Variants in ITGAE observed in about 807,000 individuals in gnomAD.
ITGAE encodes the protein integrin subunit alpha E.
A neutral mutation model predicts 136.5 loss-of-function variants in ITGAE; 99 were observed. The observed-to-expected ratio is 0.73, with a 90% confidence interval of 0.62 to 0.86. The LOEUF (loss-of-function observed/expected upper bound fraction) is 0.86, where lower values mean the gene tolerates loss of function less well. Ranked by LOEUF, ITGAE falls within the 40% of genes least tolerant of loss-of-function variation. ITGAE has a pLI of 0.00. For missense variants in ITGAE, 1,447 were observed against 1,515.3 expected (o/e 0.95, Z 0.75); for synonymous variants, 613 against 591.8 (o/e 1.04, Z -0.52).
intron 23 of ITGAE, 62 bp from the exon 24 acceptor site, chr17:3,729,617 A>G: frequency 1.1e-5 from 12 of 1,086,670 alleles, no homozygotes; most frequent in Non-Finnish European, 1.7e-5. Context: ...GCTTCTTAAA[A>G]AGGGCTTCGC....
chr17:3,763,642 T>C (rs1011190647), intron 3 of ITGAE, among the ~76,000 whole-genome samples: 4 of 152,086 alleles, frequency 2.6e-5, no homozygotes, highest in African/African-American at 9.7e-5. Context: ...GCTGTAGGTA[T>C]CATTTCTGTT....
chr17:3,734,702 G>T, intron 21 of ITGAE, 115 bp downstream of exon 21: 3 of 1,269,748 alleles, frequency 2.4e-6, no homozygotes, highest in Non-Finnish European at 3.3e-6. Context: ...TCTGTTGGTT[G>T]GACCAGGAGG....
intron 30 of ITGAE, among the ~76,000 whole-genome samples, chr17:3,715,740 C>CTG (rs2050929714): frequency 6.6e-6 from 1 of 151,976 alleles, no homozygotes; most frequent in Non-Finnish European, 1.5e-5. Context: ...ACCTGAGTAA[C>CTG]AGTCCCAGTT....
rs2051405212 is a variant in ITGAE, at chr17:3,734,061, C to CA, written c.2655+755dup. ...TTACCGACGTAACTACTTCAAACAGCAAAGTTTTCTTTCTTGTTTTTTCTT... is the reference window on the plus strand; with the variant it reads ...TTACCGACGTAACTACTTCAAACAGCAAAAGTTTTCTTTCTTGTTTTTTCTT... On this transcript the variant is annotated intron_variant, in intron 21 of 30. Coordinates refer to ENST00000263087, the MANE Select transcript of ITGAE (RefSeq NM_002208.5). Among the ~76,000 whole-genome samples, 4 of 152,102 alleles carry CA rather than the reference C, an allele frequency of 2.6e-5. No individual in the cohort carries two copies. The South Asian group carries it at 8.3e-4, about 32-fold the overall frequency.
At position 3,768,021 on chromosome 17, in the gene ITGAE, G is replaced by T. The variant is rs189693646; in HGVS notation, c.156-4061C>A. On this transcript the variant is annotated intron_variant, in intron 2 of 30. Coordinates refer to ENST00000263087, the MANE Select transcript of ITGAE (RefSeq NM_002208.5). ...GAGCTTCTAGAAGGGACCCAGCCCTGCTGACACCTTTTCAGACTTCTGGCC... is the reference window on the plus strand; with the variant it reads ...GAGCTTCTAGAAGGGACCCAGCCCTTCTGACACCTTTTCAGACTTCTGGCC... 1.9e-3 allele frequency among the ~76,000 whole-genome samples: 292 copies of T among 152,288 alleles called. 3 individuals are homozygous for T. Among genetic ancestry groups the T allele is most frequent in the African/African-American group, 6.6e-3 (275 of 41,570 alleles).
chr17:3,764,604 G>C (rs1453301425), intron 2 of ITGAE, among the ~76,000 whole-genome samples: 1 of 152,206 alleles, frequency 6.6e-6, no homozygotes, highest in African/African-American at 2.4e-5. Context: ...GGCTGAGGCA[G>C]GAGAATTGCT....
chr17:3,788,983 C>T (rs962500968), intron 1 of ITGAE, among the ~76,000 whole-genome samples: 12 of 151,902 alleles, frequency 7.9e-5, no homozygotes, highest in Non-Finnish European at 1.6e-4. Flanking sequence ...AGGTGACTCA[C>T]GCCTGTAATC....
intron 1 of ITGAE, among the ~76,000 whole-genome samples, chr17:3,797,387 G>C (rs557910498): frequency 4.0e-4 from 60 of 150,716 alleles, no homozygotes; most frequent in African/African-American, 7.8e-4. Context: ...GGATGGTCTC[G>C]ATCTCCTGAC....
Position 3,755,105 on chromosome 17 carries a change from C to CCCCGCCCTCATCAGGTGGT in ITGAE, c.1384+11_1384+12insACCACCTGATGAGGGCGGG. ...AGGTGGCCCCGCCCTCATCAGGTGG[C>CCCCGCCCTCATCAGGTGGT]CCCGCCCTCACCCAGGTAGCTGTAC... On this transcript the variant is annotated intron_variant, in intron 12 of 30. Transcript: ENST00000263087. 3 of 1,580,744 alleles carry CCCCGCCCTCATCAGGTGGT rather than the reference C, an allele frequency of 1.9e-6. No homozygotes were observed. Among genetic ancestry groups the CCCCGCCCTCATCAGGTGGT allele is most frequent in the South Asian group, 1.1e-5 (1 of 87,564 alleles).
intron 1 of ITGAE, among the ~76,000 whole-genome samples, chr17:3,790,052 C>G (rs2052901086): frequency 6.6e-6 from 1 of 152,112 alleles, no homozygotes; most frequent in Non-Finnish European, 1.5e-5. Context: ...CTTAGCATCC[C>G]TAGGAGTGGG....
At chr17:3,729,282 G>C in intron 24 of ITGAE, 196 bp downstream of exon 24, 1 of 559,018 alleles carries the variant, frequency 1.8e-6, no homozygotes, top group South Asian at 2.1e-5. Flanking sequence ...CTCCTTTGAT[G>C]ACCACAGTGG....
rs2052004684 is a variant in ITGAE, at chr17:3,755,760, C to T, written c.1239+70G>A. On this transcript the variant is annotated intron_variant, in intron 11 of 30. Coordinates refer to ENST00000263087, the MANE Select transcript of ITGAE (RefSeq NM_002208.5). Reference sequence around the variant, plus strand: ...AGAGCCCTGGATGGGAGGCAGGAGTCCCTGAATCCTAGGTGTCCTGGGCCC... The same window carrying T: ...AGAGCCCTGGATGGGAGGCAGGAGTTCCTGAATCCTAGGTGTCCTGGGCCC... 2.2e-6 allele frequency: 3 copies of T among 1,355,694 alleles called. No homozygotes were observed. In the South Asian group the frequency reaches 3.8e-5, roughly 17 times the overall value. 84.0% of individuals were successfully genotyped at this position (1,355,694 alleles called of 1,614,324 possible). A position where few individuals can be genotyped will look rare whatever the true frequency, so the allele number is the denominator to read the frequency against.
At chr17:3,755,469 G>T (rs1365038040) in intron 11 of ITGAE, among the ~76,000 whole-genome samples, 1 of 152,238 alleles carries the variant, frequency 6.6e-6, no homozygotes, top group African/African-American at 2.4e-5. Context: ...TCCCTCCTCC[G>T]GGAGAAGCAA....
At chr17:3,774,999 G>C (rs1374984001) in intron 2 of ITGAE, among the ~76,000 whole-genome samples, 2 of 152,032 alleles carry the variant, frequency 1.3e-5, no homozygotes, top group East Asian at 3.9e-4. Flanking sequence ...GAAGTGCAGT[G>C]GCACAATCGC....
chr17:3,766,105 T>G (rs1412569567), intron 2 of ITGAE, among the ~76,000 whole-genome samples: 1 of 151,950 alleles, frequency 6.6e-6, no homozygotes, highest in Non-Finnish European at 1.5e-5. Context: ...GGTCCTTCTA[T>G]GAGGGAGGCC....
In ITGAE at chr17:3,725,211, A is replaced by G. The variant is rs1352765540; in HGVS notation, c.3085-1467T>C. ...ATCAGAATGTTCAAACCGGCCTGTC[A>G]TGAACAGAACAAGTGGTGCTCCGTC... On this transcript the variant is annotated intron_variant, in intron 26 of 30. Transcript: ENST00000263087. 4 of 1,614,180 alleles carry G rather than the reference A, an allele frequency of 2.5e-6. No homozygotes were observed. In the South Asian group the frequency reaches 4.4e-5, roughly 18 times the overall value.
At chr17:3,720,004 G>A (rs1260096080) in intron 29 of ITGAE, among the ~76,000 whole-genome samples, 1 of 152,150 alleles carries the variant, frequency 6.6e-6, no homozygotes, top group South Asian at 2.1e-4. Context: ...AGGATTACAG[G>A]CGTGAGCCAC....
At chr17:3,800,681 A>T (rs59384890) in intron 1 of ITGAE, among the ~76,000 whole-genome samples, 2,886 of 151,862 alleles carry the variant, frequency 0.019, 62 homozygotes, top group African/African-American at 0.053. Context: ...TCTGGTCAAC[A>T]CTCTCTCACA....
Position 3,799,065 on chromosome 17 carries a change from A to T in ITGAE, c.34+2046T>A, listed in dbSNP as rs1171039027. ...GATTCTCTCCAGCCTAAGGAGGCCC[A>T]ACCCGGCACAGGGTACAGGGTGCTG... On this transcript the variant is annotated intron_variant, in intron 1 of 30. Coordinates refer to ENST00000263087, the MANE Select transcript of ITGAE (RefSeq NM_002208.5). This position sits in a 1 kb window ranked among gnomAD's most constrained non-coding sequence, Gnocchi z 4.1. Among the ~76,000 whole-genome samples, 1 of 152,134 alleles carries T rather than the reference A, an allele frequency of 6.6e-6. No individual in the cohort carries two copies.
Sources: gnomAD v4.1 joint callset for allele counts (sites outside exome capture counted in the v4.1 genomes callset) on GRCh38, gnomAD v4.1.1 for gene constraint, Gnocchi (gnomAD v3.1) non-coding constraint, MANE v1.5 for transcripts, NCBI Gene and HGNC (gene_info 2026-07-23, HGNC 2026-07-21) for gene names.